Variants in LARGE1 observed in about 807,000 individuals in gnomAD.
LARGE1 encodes LARGE xylosyl- and glucuronyltransferase 1.
In LARGE1, 43 loss-of-function variants were observed where a neutral mutation model predicts 87.6. That is an observed-to-expected ratio of 0.49 (90% CI 0.38 to 0.63). LARGE1 has a LOEUF of 0.63. LARGE1 is among the 30% of genes least tolerant of loss of function. The pLI is 0.00. For missense variants in LARGE1, 802 were observed against 1,000.2 expected (o/e 0.80, Z 2.67); for synonymous variants, 434 against 394.6 (o/e 1.10, Z -1.18).
downstream of LARGE1, among the ~76,000 whole-genome samples, chr22:33,272,345 G>C (rs1928329014): frequency 6.6e-6 from 1 of 152,170 alleles, no homozygotes; most frequent in African/African-American, 2.4e-5. Flanking sequence ...AGGGGAGAGA[G>C]AAAGTCAATG....
intron 1 of LARGE1, among the ~76,000 whole-genome samples, chr22:33,828,899 C>G (rs1358817901): frequency 6.6e-6 from 1 of 152,068 alleles, no homozygotes; most frequent in Admixed American, 6.6e-5. Context: ...GCTATTCCCT[C>G]TCGCTGGAAT....
chr22:33,766,172 A>C (rs941617664), intron 1 of LARGE1, among the ~76,000 whole-genome samples: 1 of 152,174 alleles, frequency 6.6e-6, no homozygotes, highest in African/African-American at 2.4e-5. Context: ...TGGCGAATTA[A>C]CTGGGAAAAC....
intron 7 of LARGE1, among the ~76,000 whole-genome samples, chr22:33,402,759 C>CCAAA (rs2065966067): frequency 6.6e-6 from 1 of 152,112 alleles, no homozygotes; most frequent in Non-Finnish European, 1.5e-5. Flanking sequence ...CTAGTTTCTT[C>CCAAA]CTATTGACCT....
chr22:33,591,522 G>A (rs933607171), intron 5 of LARGE1, among the ~76,000 whole-genome samples: 2 of 152,084 alleles, frequency 1.3e-5, no homozygotes, highest in South Asian at 4.1e-4. Context: ...TATTATTGGT[G>A]TAAGACCTCT....
chr22:33,763,868 T>TG (rs2084814800), intron 1 of LARGE1, among the ~76,000 whole-genome samples: 1 of 67,724 alleles, frequency 1.5e-5, no homozygotes, highest in Non-Finnish European at 2.7e-5. Context: ...TTTTTTTTTT[T>TG]GAGACAGAGA....
the LARGE1 span, among the ~76,000 whole-genome samples, chr22:33,111,749 T>A: frequency 1.3e-5 from 2 of 152,188 alleles, no homozygotes; most frequent in Admixed American, 1.3e-4. Flanking sequence ...AGCTCCCTCA[T>A]CTGTAGGGGG....
the LARGE1 span, among the ~76,000 whole-genome samples, chr22:33,080,828 T>G: frequency 2.0e-5 from 3 of 152,214 alleles, no homozygotes; most frequent in African/African-American, 4.8e-5. Flanking sequence ...GCACTGAACC[T>G]CGGTTCAGTT....
intron 11 of LARGE1, among the ~76,000 whole-genome samples, chr22:33,187,046 A>C (rs1361685408): frequency 6.6e-6 from 1 of 152,214 alleles, no homozygotes; most frequent in Non-Finnish European, 1.5e-5. Context: ...CACCAATGTG[A>C]TTCAAAGTAC....
intron 1 of LARGE1, among the ~76,000 whole-genome samples, chr22:33,820,026 G>C (rs1006139221): frequency 2.6e-5 from 4 of 152,132 alleles, no homozygotes; most frequent in African/African-American, 9.7e-5. Flanking sequence ...CCTTAGGCCA[G>C]GGTCACTGTG....
intron 1 of LARGE1, among the ~76,000 whole-genome samples, chr22:33,782,519 G>C (rs763672481): frequency 2.0e-5 from 3 of 152,110 alleles, no homozygotes; most frequent in Non-Finnish European, 4.4e-5. Flanking sequence ...TCAGTGACAC[G>C]AGAACAATGA....
chr22:33,171,060 C>T (rs1415688275), intron 11 of LARGE1, among the ~76,000 whole-genome samples: 1 of 152,148 alleles, frequency 6.6e-6, no homozygotes, highest in African/African-American at 2.4e-5. Flanking sequence ...AAAGGTCACT[C>T]TTGCTATGCT....
At chr22:33,346,723 C>T (rs912158610) in intron 9 of LARGE1, among the ~76,000 whole-genome samples, 2 of 152,112 alleles carry the variant, frequency 1.3e-5, no homozygotes, top group African/African-American at 4.8e-5. Flanking sequence ...CCCCCTCCAC[C>T]CCATTCTTCC....
intron 6 of LARGE1, among the ~76,000 whole-genome samples, chr22:33,510,411 C>T (rs915115927): frequency 1.1e-4 from 16 of 152,292 alleles, no homozygotes; most frequent in East Asian, 5.8e-4. Context: ...CTTGTGTCTC[C>T]GTGCTAGTAA....
At chr22:33,681,457 C>T (rs981942827) in intron 2 of LARGE1, among the ~76,000 whole-genome samples, 7 of 152,164 alleles carry the variant, frequency 4.6e-5, no homozygotes, top group Non-Finnish European at 7.3e-5. Context: ...CCTCATCGTC[C>T]TCTTCTGTTA....
At chr22:33,358,310 T>TTC (rs397687513) in intron 9 of LARGE1, among the ~76,000 whole-genome samples, 12 of 151,776 alleles carry the variant, frequency 7.9e-5, no homozygotes, top group Admixed American at 5.3e-4. Flanking sequence ...TGTTTTTTTT[T>TTC]CTTCCTTGAT....
At chr22:33,916,753 C>T (rs932306282) in intron 1 of LARGE1, among the ~76,000 whole-genome samples, 7 of 152,204 alleles carry the variant, frequency 4.6e-5, no homozygotes, top group Admixed American at 2.0e-4. Context: ...AGGCCAGCCT[C>T]CTGCCTCTAC....
intron 1 of LARGE1, among the ~76,000 whole-genome samples, chr22:33,886,205 A>G (rs1420051230): frequency 6.6e-6 from 1 of 152,084 alleles, no homozygotes; most frequent in Admixed American, 6.6e-5. Flanking sequence ...AGGACCCAGT[A>G]AATTCCCACC....
rs530642758 is a variant in LARGE1 at position 33,308,859 on chromosome 22, AC to A, written c.1452-4353del. Among the ~76,000 whole-genome samples the A allele has an allele frequency of 4.6e-5, 7 of 152,336 alleles. No individual in the cohort carries two copies. In the South Asian group the frequency reaches 1.4e-3, roughly 32 times the overall value. On this transcript the variant is annotated intron_variant, in intron 11 of 14. Transcript: ENST00000397394. ...GGCAGTTTGTGAAACAGTAACATTTACTTGGATTTGAGGGTTAAATGAGATG... is the reference window on the plus strand; with the variant it reads ...GGCAGTTTGTGAAACAGTAACATTTATTGGATTTGAGGGTTAAATGAGATG...
chr22:33,507,383 A>C (rs1201719695), intron 6 of LARGE1, among the ~76,000 whole-genome samples: 3 of 152,156 alleles, frequency 2.0e-5, no homozygotes, highest in Non-Finnish European at 2.9e-5. Context: ...ATTCTCATAC[A>C]TGCTACAAAA....
Sources: gnomAD v4.1 joint callset for allele counts (sites outside exome capture counted in the v4.1 genomes callset) on GRCh38, gnomAD v4.1.1 for gene constraint, MANE v1.5 for transcripts, NCBI Gene and HGNC (gene_info 2026-07-23, HGNC 2026-07-21) for gene names.